PCDHGB1: variants seen among roughly 807,000 people sequenced by gnomAD.
PCDHGB1 encodes protocadherin gamma-B1.
PCDHGB1 carries 34 observed loss-of-function variants against 56.6 expected under a neutral mutation model. The observed-to-expected ratio is 0.60, with a 90% CI of 0.46 to 0.80. The LOEUF (loss-of-function observed/expected upper bound fraction) is 0.80. Among genes scored for constraint, PCDHGB1 ranks in the 30% least tolerant of loss-of-function variants. PCDHGB1 has a pLI of 0.00. For synonymous variants in PCDHGB1, 561 were observed against 505.9 expected (o/e 1.11, Z -1.46); for missense variants, 1,278 against 1,204.6 (o/e 1.06, Z -0.90).
intron 1 of PCDHGB1, chr5:141,417,646 C>G: frequency 1.3e-6 from 1 of 797,874 alleles, no homozygotes. Context: ...GATCCCTCAG[C>G]CTCTAGCCTG....
At position 141,491,798 on chromosome 5, in the gene PCDHGB1, G is replaced by A. The variant is rs1269524283; in HGVS notation, c.2410-3009G>A. 1 of 1,506,648 alleles carries A rather than the reference G, an allele frequency of 6.6e-7. No homozygotes were observed. The highest frequency in any genetic ancestry group is 8.9e-7 in the Non-Finnish European group (1 of 1,128,050). The allele number at this position is 1,506,648 out of a possible 1,614,324, so 93.3% of individuals were successfully genotyped here. ...TTGAACTTGCATCCACTCCTCTCCG[G>A]CCGGCTTGGTCGCTGGCTGCGCTCC... On this transcript the variant is annotated intron_variant, in intron 1 of 3. Coordinates refer to ENST00000523390, the MANE Select transcript of PCDHGB1 (RefSeq NM_018922.3). This position sits in a 1 kb window ranked among gnomAD's most constrained non-coding sequence, Gnocchi z 6.9.
rs921020435 is a variant in PCDHGB1, at chr5:141,477,853, G to A, written c.2410-16954G>A. 5.0e-6 allele frequency: 8 copies of A among 1,613,344 alleles called. No homozygotes were observed. The East Asian group carries it at 1.6e-4, about 31-fold the overall frequency. On this transcript the variant is annotated intron_variant, in intron 1 of 3. Coordinates refer to ENST00000523390, the MANE Select transcript of PCDHGB1 (RefSeq NM_018922.3). The surrounding 1 kb of genome is among the most constrained non-coding windows in gnomAD (Gnocchi z 4.9). The stretch of plus-strand genomic sequence containing the variant: ...GGCCAGGTGGGAGCTCGGTGGAGAT[G>A]CTGCCTCGAGGTACCTCAGCTGGCC...
intron 1 of PCDHGB1, chr5:141,428,105 G>A: frequency 1.9e-6 from 3 of 1,608,184 alleles, no homozygotes; most frequent in Admixed American, 1.7e-5. Flanking sequence ...ACCACGTGCT[G>A]CAGGCCATCG....
At chr5:141,414,046 A>G (rs780040293) in intron 1 of PCDHGB1, 1 of 1,611,254 alleles carries the variant, frequency 6.2e-7, no homozygotes, top group Non-Finnish European at 8.5e-7. Context: ...ATTACCTGAC[A>G]CGCAATTGTT....
In PCDHGB1 at chr5:141,432,752, G is replaced by C. The variant is rs1407361813; in HGVS notation, c.2410-62055G>C. On this transcript the variant is annotated intron_variant, in intron 1 of 3. Coordinates refer to ENST00000523390, the MANE Select transcript of PCDHGB1 (RefSeq NM_018922.3). The surrounding 1 kb of genome is among the most constrained non-coding windows in gnomAD (Gnocchi z 6.0). Reference sequence around the variant, plus strand: ...CACTGTCACGCTCACCGTGGCCGTGGCCGACAGCATCCCCCAAGTCCTGGC... The same window carrying C: ...CACTGTCACGCTCACCGTGGCCGTGCCCGACAGCATCCCCCAAGTCCTGGC... 9.3e-6 allele frequency: 15 copies of C among 1,614,024 alleles called. No individual in the cohort carries two copies. The highest frequency in any genetic ancestry group is 1.3e-5 in the Non-Finnish European group (15 of 1,180,008).
chr5:141,435,922 G>A (rs1312886163), intron 1 of PCDHGB1, among the ~76,000 whole-genome samples: 1 of 152,070 alleles, frequency 6.6e-6, no homozygotes, highest in Non-Finnish European at 1.5e-5. Context: ...TCTAAAATGC[G>A]GCAGTTGCTG....
intron 1 of PCDHGB1, chr5:141,387,952 C>G: frequency 2.0e-6 from 3 of 1,491,568 alleles, no homozygotes; most frequent in Non-Finnish European, 2.7e-6. Flanking sequence ...TTCCTGCTGT[C>G]TTTGTTCTGC....
Position 141,476,657 on chromosome 5 carries a change from G to A in PCDHGB1, c.2410-18150G>A, listed in dbSNP as rs759887729. On this transcript the variant is annotated intron_variant, in intron 1 of 3. Coordinates refer to ENST00000523390, the MANE Select transcript of PCDHGB1 (RefSeq NM_018922.3). This position sits in a 1 kb window ranked among gnomAD's most constrained non-coding sequence, Gnocchi z 7.6. ...TGAGCTGAGCCGAAATGAATACTTTGCGCTTCGCGTGCAGACGCGGGAGGA... is the reference window on the plus strand; with the variant it reads ...TGAGCTGAGCCGAAATGAATACTTTACGCTTCGCGTGCAGACGCGGGAGGA... 1.9e-6 allele frequency: 3 copies of A among 1,614,140 alleles called. No homozygotes were observed. Among genetic ancestry groups the A allele is most frequent in the Non-Finnish European group, 2.5e-6 (3 of 1,180,060 alleles).
chr5:141,361,506 C>A (rs753696787), intron 1 of PCDHGB1: 2 of 1,614,046 alleles, frequency 1.2e-6, no homozygotes, highest in Non-Finnish European at 8.5e-7. Context: ...AGACTTCCTA[C>A]ATGGTTCACG....
At chr5:141,479,241 G>A (rs2099490987) in intron 1 of PCDHGB1, 1 of 152,174 alleles carries the variant, frequency 6.6e-6, no homozygotes, top group Non-Finnish European at 1.5e-5. Context: ...CAAACCCAAA[G>A]ATAACCATTT....
rs1267505867 is a variant in PCDHGB1, at chr5:141,350,985, A to G, written c.725A>G (p.Glu242Gly). ...ANDNAPVFSQ[E>G]VYRVSLQENV... is the part of the protein sequence containing the mutation. ...GATAATGCTCCCGTGTTTAGCCAGGAGGTATACAGGGTTAGCCTCCAAGAA... is the reference window on the plus strand; with the variant it reads ...GATAATGCTCCCGTGTTTAGCCAGGGGGTATACAGGGTTAGCCTCCAAGAA... Residue 242 changes from glutamate (E) to glycine (G), a missense_variant, in exon 1 of 4, where the codon GAG becomes GGG. Transcript: ENST00000523390. 1.2e-6 allele frequency: 2 copies of G among 1,614,068 alleles called. No homozygotes were observed. Among genetic ancestry groups the G allele is most frequent in the Admixed American group, 1.7e-5 (1 of 60,028 alleles).
At position 141,450,006 on chromosome 5, in the gene PCDHGB1, C is replaced by CTATTTTTTTTTTT. The variant is rs70988802; in HGVS notation, c.2410-44800_2410-44799insATTTTTTTTTTTT. Among the ~76,000 whole-genome samples, 4 of 132,982 alleles carry CTATTTTTTTTTTT rather than the reference C, an allele frequency of 3.0e-5. 1 individual carries two copies. The highest frequency in any genetic ancestry group is 5.6e-5 in the African/African-American group (2 of 35,576). 87.2% of individuals were successfully genotyped at this position (132,982 alleles called of 152,430 possible). A position where few individuals can be genotyped will look rare whatever the true frequency, so the allele number is the denominator to read the frequency against. Reference sequence around the variant, plus strand: ...CACATTGCATTTAGTTGCCATGTCTCTTTTTTTTTTTTTTTTTTGAGACAG... The same window carrying CTATTTTTTTTTTT: ...CACATTGCATTTAGTTGCCATGTCTCTATTTTTTTTTTTTTTTTTTTTTTTTTTTTTGAGACAG... On this transcript the variant is annotated intron_variant, in intron 1 of 3. Transcript: ENST00000523390.
chr5:141,417,141 C>T (rs1455831459), intron 1 of PCDHGB1: 1 of 152,018 alleles, frequency 6.6e-6, no homozygotes, highest in Non-Finnish European at 1.5e-5. Context: ...ATGACTAGGG[C>T]AATGGTTGCA....
intron 1 of PCDHGB1, chr5:141,414,230 C>G (rs367888906): frequency 6.2e-7 from 1 of 1,613,190 alleles, no homozygotes; most frequent in Non-Finnish European, 8.5e-7. Flanking sequence ...CCAGAGCTGA[C>G]CATCACGTCT....
intron 1 of PCDHGB1, chr5:141,402,972 G>A (rs758148844): frequency 6.2e-7 from 1 of 1,608,316 alleles, no homozygotes; most frequent in Non-Finnish European, 8.5e-7. Context: ...CCAACCAAAT[G>A]CCAGCTCCGC....
intron 1 of PCDHGB1, among the ~76,000 whole-genome samples, chr5:141,481,692 G>A (rs1231630072): frequency 3.3e-5 from 5 of 152,020 alleles, no homozygotes; most frequent in East Asian, 1.9e-4. Context: ...GGTGGCTCAC[G>A]CCTGTAATCC....
At chr5:141,405,357 A>G in intron 1 of PCDHGB1, 1 of 1,613,846 alleles carries the variant, frequency 6.2e-7, no homozygotes, top group Non-Finnish European at 8.5e-7. Flanking sequence ...TTTCCTATAG[A>G]AGACACCCCT....
intron 1 of PCDHGB1, among the ~76,000 whole-genome samples, chr5:141,442,784 A>C (rs1267270442): frequency 2.0e-5 from 3 of 152,212 alleles, no homozygotes; most frequent in Non-Finnish European, 4.4e-5. Flanking sequence ...ATTATATTTT[A>C]TAATTTTACT....
intron 1 of PCDHGB1, chr5:141,355,818 G>A: frequency 1.2e-6 from 2 of 1,613,008 alleles, no homozygotes; most frequent in South Asian, 1.1e-5. Flanking sequence ...AGGAAGAGGC[G>A]GTTCACCACC....
Sources: allele counts gnomAD v4.1 joint callset (sites outside exome capture counted in the v4.1 genomes callset), GRCh38; gene constraint gnomAD v4.1.1; non-coding constraint Gnocchi (gnomAD v3.1); transcripts MANE v1.5; gene names NCBI Gene and HGNC (gene_info 2026-07-23, HGNC 2026-07-21).